The following ARHGEF33 variants were observed in gnomAD, a reference collection of about 807,000 sequenced individuals.
ARHGEF33 encodes the protein DH and coiled-coil domain-containing protein ENSP00000381780.
ARHGEF33 carries 72 observed loss-of-function variants against 101.9 expected under a neutral mutation model. The ratio of observed to expected loss-of-function variants is 0.71; its 90% CI spans 0.58 to 0.86. ARHGEF33 has a LOEUF of 0.86. ARHGEF33 is among the 40% of genes least tolerant of loss of function. The pLI, the probability that ARHGEF33 is intolerant of heterozygous loss-of-function variation, is 0.00. For synonymous variants in ARHGEF33, 499 were observed against 442.5 expected (o/e 1.13, Z -1.60); for missense variants, 1,169 against 1,111.3 (o/e 1.05, Z -0.74).
intron 9 of ARHGEF33, among the ~76,000 whole-genome samples, chr2:38,937,761 G>A (rs1159356244): frequency 6.6e-6 from 1 of 152,186 alleles, no homozygotes; most frequent in Non-Finnish European, 1.5e-5. Context: ...CTACCACCTT[G>A]ATTCTGCATG....
At chr2:38,906,935 A>G (rs1264811413) in intron 2 of ARHGEF33, among the ~76,000 whole-genome samples, 1 of 152,070 alleles carries the variant, frequency 6.6e-6, no homozygotes, top group Non-Finnish European at 1.5e-5. Flanking sequence ...GGGTGACAGA[A>G]TGAGACCCCC....
At chr2:38,894,615 G>A (rs1031490228) in intron 1 of ARHGEF33, among the ~76,000 whole-genome samples, 5 of 152,158 alleles carry the variant, frequency 3.3e-5, no homozygotes, top group Middle Eastern at 3.4e-3. Context: ...ATCACCTCTT[G>A]GTCCAAGACA....
rs554909696 is a variant in ARHGEF33 at position 38,912,879 on chromosome 2, C to T, written c.-85-6484C>T. Reference sequence around the variant, plus strand: ...TAGAAAATGGGGATAATGATACACCCTCAACAGAATCAATATGAGAACTTA... The same window carrying T: ...TAGAAAATGGGGATAATGATACACCTTCAACAGAATCAATATGAGAACTTA... On this transcript the variant is annotated intron_variant, in intron 2 of 17. Coordinates refer to ENST00000409978, the MANE Select transcript of ARHGEF33 (RefSeq NM_001145451.5). 1.1e-4 allele frequency among the ~76,000 whole-genome samples: 17 copies of T among 152,124 alleles called. 1 individual carries two copies. The highest frequency in any genetic ancestry group is 5.9e-4 in the Admixed American group (9 of 15,264).
At chr2:38,963,311 AT>A (rs1158401562) in intron 16 of ARHGEF33, among the ~76,000 whole-genome samples, 1 of 152,180 alleles carries the variant, frequency 6.6e-6, no homozygotes, top group Non-Finnish European at 1.5e-5. Flanking sequence ...AATACTCTGT[AT>A]ATCTTTCACC....
intron 9 of ARHGEF33, among the ~76,000 whole-genome samples, chr2:38,940,188 G>C (rs1345241610): frequency 6.6e-6 from 1 of 152,170 alleles, no homozygotes; most frequent in Non-Finnish European, 1.5e-5. Flanking sequence ...TCCATTTAAA[G>C]AACATGGTAT....
intron 9 of ARHGEF33, among the ~76,000 whole-genome samples, chr2:38,942,117 A>G (rs1322084230): frequency 6.8e-6 from 1 of 147,970 alleles, no homozygotes; most frequent in Non-Finnish European, 1.5e-5. Flanking sequence ...TGATTTCTCA[A>G]CTGCCATCTT....
At chr2:38,923,518 T>C (rs74577038) in intron 4 of ARHGEF33, among the ~76,000 whole-genome samples, 8,273 of 152,290 alleles carry the variant, frequency 0.054, 264 homozygotes, top group Middle Eastern at 0.061. Flanking sequence ...TTGTTTGTTT[T>C]TTAATTTTCT....
rs993536479 is a variant in ARHGEF33 at position 38,975,221 on chromosome 2, A to G, written c.*1378A>G. ...TAGGAACTCACCTACTGCGTTTTGA[A>G]TAGTAGTTGTCTGGAACACATAAAG... On this transcript the variant is annotated 3_prime_UTR_variant, in exon 18 of 18. Transcript: ENST00000409978. The G allele has an allele frequency of 1.3e-5, 2 of 152,210 alleles. No homozygotes were observed. Among genetic ancestry groups the G allele is most frequent in the African/African-American group, 4.8e-5 (2 of 41,458 alleles). 9.4% of individuals were successfully genotyped at this position (152,210 alleles called of 1,614,324 possible).
At chr2:38,954,510 G>A in intron 13 of ARHGEF33, 54 bp downstream of exon 13, 2 of 1,085,094 alleles carry the variant, frequency 1.8e-6, no homozygotes, top group African/African-American at 1.6e-5. Context: ...GTAATTATTG[G>A]TTTTGGCTCC....
At chr2:38,968,875 A>G (rs1558447677) in intron 17 of ARHGEF33, among the ~76,000 whole-genome samples, 1 of 152,154 alleles carries the variant, frequency 6.6e-6, no homozygotes, top group Non-Finnish European at 1.5e-5. Flanking sequence ...TGGGTTGAAG[A>G]GGCAGCTTAA....
rs142586063 is a variant in ARHGEF33, at chr2:38,951,987, A to AG, written c.1053+867dup. On this transcript the variant is annotated intron_variant, in intron 11 of 17. Coordinates refer to ENST00000409978, the MANE Select transcript of ARHGEF33 (RefSeq NM_001145451.5). ...TGGACTGGTGTGAAGTGTGAGCTGC[A>AG]GTGGAGCAGCTGTGTTGTTCTACAA... is the stretch of plus-strand genomic sequence containing the variant. Among the ~76,000 whole-genome samples the AG allele has an allele frequency of 1.7e-4, 26 of 152,336 alleles. No homozygotes were observed. In the East Asian group the frequency reaches 4.2e-3, roughly 25 times the overall value.
intron 2 of ARHGEF33, among the ~76,000 whole-genome samples, chr2:38,910,294 A>C (rs1666480592): frequency 6.6e-6 from 1 of 152,222 alleles, no homozygotes; most frequent in South Asian, 2.1e-4. Context: ...TTGGCAGCCA[A>C]GTGTGGTGGC....
At chr2:38,954,284 A>T in intron 12 of ARHGEF33, 89 bp from the exon 13 acceptor site, 1 of 748,934 alleles carries the variant, frequency 1.3e-6, no homozygotes, top group South Asian at 1.7e-5. Flanking sequence ...CTGGGAGGAA[A>T]CCCTTCCTAC....
chr2:38,903,258 T>G (rs1459295958), intron 2 of ARHGEF33, among the ~76,000 whole-genome samples: 1 of 152,068 alleles, frequency 6.6e-6, no homozygotes, highest in African/African-American at 2.4e-5. Context: ...CTATGATAAC[T>G]GAATTTACAG....
chr2:38,899,555 T>C (rs973910725), intron 2 of ARHGEF33, among the ~76,000 whole-genome samples: 2 of 151,882 alleles, frequency 1.3e-5, no homozygotes, highest in Non-Finnish European at 2.9e-5. Context: ...TGGGGGTGGA[T>C]GGGTGAGGGG....
intron 7 of ARHGEF33, among the ~76,000 whole-genome samples, chr2:38,934,376 G>C (rs1382809498): frequency 6.6e-6 from 1 of 151,908 alleles, no homozygotes; most frequent in East Asian, 1.9e-4. Flanking sequence ...CTTATATTTT[G>C]TTACCCTCGA....
At chr2:38,920,317 AT>A (rs1378656228) in intron 3 of ARHGEF33, among the ~76,000 whole-genome samples, 1 of 151,438 alleles carries the variant, frequency 6.6e-6, no homozygotes, top group African/African-American at 2.4e-5. Flanking sequence ...TGGCCAACCA[AT>A]GTGGTGCTGA....
At chr2:38,939,925 T>C (rs1667260721) in intron 9 of ARHGEF33, among the ~76,000 whole-genome samples, 1 of 152,252 alleles carries the variant, frequency 6.6e-6, no homozygotes, top group Non-Finnish European at 1.5e-5. Flanking sequence ...AAAATCTTTA[T>C]AGTTTTAGCT....
In ARHGEF33 at chr2:38,935,795, C is replaced by T; in HGVS notation, c.526C>T (p.His176Tyr). ...YEKAQESRSV[H>Y]VGDSNVKGMM... is the part of the protein sequence containing the mutation. ...TGCAGCCCAAGAGTCCAGATCTGTT[C>T]ATGTAGGAGACAGTAATGTAAAAGG... The change falls in exon 8 of 18, where the codon CAT becomes TAT. Residue 176 changes from histidine (H) to tyrosine (Y), a missense_variant. His to Tyr is a moderately conservative substitution (Grantham distance 83). Transcript: ENST00000409978. The T allele has an allele frequency of 6.4e-7, 1 of 1,552,094 alleles. No individual in the cohort carries two copies. The highest frequency in any genetic ancestry group is 8.7e-7 in the Non-Finnish European group (1 of 1,146,994).
Sources: gnomAD v4.1 joint callset for allele counts (sites outside exome capture counted in the v4.1 genomes callset) on GRCh38, gnomAD v4.1.1 for gene constraint, MANE v1.5 for transcripts, NCBI Gene and HGNC (gene_info 2026-07-23, HGNC 2026-07-21) for gene names.